LCA5: variants seen among roughly 807,000 people sequenced by gnomAD.
LCA5 encodes lebercilin.
In LCA5, 37 loss-of-function variants were observed where a neutral mutation model predicts 53.0. The ratio of observed to expected loss-of-function variants is 0.70; its 90% confidence interval spans 0.54 to 0.92. The LOEUF is 0.92. Among genes scored for constraint, LCA5 ranks in the 40% least tolerant of loss-of-function variants. The probability of loss-of-function intolerance (pLI) is 0.00; values close to 1 mark genes in which losing one functional copy is unlikely to be tolerated. For synonymous variants in LCA5, 303 were observed against 282.9 expected, an observed-to-expected ratio of 1.07 and a Z score of -0.71; for missense variants, 806 against 790.5, an observed-to-expected ratio of 1.02 and a Z score of -0.23.
intron 2 of LCA5, among the ~76,000 whole-genome samples, chr6:79,518,160 A>G (rs1167979631): frequency 6.6e-6 from 1 of 152,206 alleles, no homozygotes; most frequent in Non-Finnish European, 1.5e-5. Context: ...AATAACAAAA[A>G]TGACTTCTAA....
intron 7 of LCA5, chr6:79,488,665 G>T (rs1353298161): frequency 3.9e-6 from 1 of 254,918 alleles, no homozygotes. Context: ...CTATTTAAAG[G>T]TATGGGCATG....
At chr6:79,513,182 A>C in intron 3 of LCA5, 30 bp downstream of exon 3, 2 of 1,598,660 alleles carry the variant, frequency 1.3e-6, no homozygotes, top group Non-Finnish European at 1.7e-6. Flanking sequence ...CATCCCAAGA[A>C]AGTACAATTA....
intron 1 of LCA5, among the ~76,000 whole-genome samples, 183 bp from the exon 2 acceptor site, chr6:79,519,268 T>C (rs568400397): frequency 1.1e-4 from 16 of 152,364 alleles, no homozygotes; most frequent in Admixed American, 6.5e-4. Flanking sequence ...CAGACTGTCA[T>C]AGCCTAGATA....
chr6:79,524,690 C>T (rs1185595444), intron 1 of LCA5, among the ~76,000 whole-genome samples: 1 of 152,120 alleles, frequency 6.6e-6, no homozygotes. Context: ...AACAGATTCT[C>T]ATTCCTTTAT....
upstream of LCA5, chr6:79,537,434 C>G (rs748748699): frequency 2.0e-5 from 3 of 152,426 alleles, no homozygotes; most frequent in Non-Finnish European, 2.9e-5. Context: ...CTAGACTGCA[C>G]TACGAAGAGA....
chr6:79,509,674 T>C (rs1770360491), intron 3 of LCA5, among the ~76,000 whole-genome samples: 1 of 152,088 alleles, frequency 6.6e-6, no homozygotes, highest in African/African-American at 2.4e-5. Flanking sequence ...AAAATAACTT[T>C]TACAACAAAA....
chr6:79,498,886 G>A (rs554666034), intron 3 of LCA5, among the ~76,000 whole-genome samples: 129 of 152,126 alleles, frequency 8.5e-4, no homozygotes, highest in Non-Finnish European at 1.5e-3. Flanking sequence ...AAAACTCTAT[G>A]TCATTTTTGA....
intron 3 of LCA5, among the ~76,000 whole-genome samples, chr6:79,512,674 G>A: frequency 6.6e-6 from 1 of 152,108 alleles, no homozygotes; most frequent in South Asian, 2.1e-4. Context: ...TCATGGGATA[G>A]GACTCTTTTC....
rs575700217 is a variant in LCA5 at position 79,508,375 on chromosome 6, G to A, written c.720+4837C>T. On this transcript the variant is annotated intron_variant, in intron 3 of 7. Coordinates refer to ENST00000369846, the MANE Select transcript of LCA5 (RefSeq NM_001122769.3). ...TGTGCATTCTGTCACTTCCATCAAC[G>A]AACAAAATAAGCCTGTACCCAACTT... Among the ~76,000 whole-genome samples, 5 of 152,160 alleles carry A rather than the reference G, an allele frequency of 3.3e-5. No individual in the cohort carries two copies. The South Asian group carries it at 6.2e-4, about 19-fold the overall frequency.
intron 3 of LCA5, among the ~76,000 whole-genome samples, chr6:79,501,939 T>C (rs1040481321): frequency 2.8e-4 from 43 of 151,948 alleles, no homozygotes; most frequent in African/African-American, 1.0e-3. Context: ...TAGGAGAATA[T>C]AGTAGATATA....
intron 3 of LCA5, among the ~76,000 whole-genome samples, chr6:79,495,829 T>C (rs1449033494): frequency 6.6e-6 from 1 of 151,826 alleles, no homozygotes; most frequent in Non-Finnish European, 1.5e-5. Context: ...CTGCATTTGG[T>C]TGTGGAATGT....
At chr6:79,500,085 C>T (rs1770095125) in intron 3 of LCA5, among the ~76,000 whole-genome samples, 1 of 151,638 alleles carries the variant, frequency 6.6e-6, no homozygotes. Context: ...TTTTCTTAAT[C>T]CAGTCTACCA....
chr6:79,535,103 T>G (rs1190302900), intron 1 of LCA5, among the ~76,000 whole-genome samples: 1 of 152,188 alleles, frequency 6.6e-6, no homozygotes, highest in Non-Finnish European at 1.5e-5. Context: ...TATTTTATTG[T>G]GTGTCTACTG....
intron 3 of LCA5, among the ~76,000 whole-genome samples, chr6:79,495,857 TG>T (rs1419473443): frequency 6.6e-6 from 1 of 151,820 alleles, no homozygotes; most frequent in Non-Finnish European, 1.5e-5. Flanking sequence ...GTGGATATGG[TG>T]GGCCTACCGT....
chr6:79,488,959 T>A (rs1769755434), intron 7 of LCA5, 125 bp downstream of exon 7: 1 of 1,070,714 alleles, frequency 9.3e-7, no homozygotes, highest in Non-Finnish European at 1.4e-6. Flanking sequence ...CCTACCACTG[T>A]ATCCACCTTT....
chr6:79,525,768 TAACTAACAACTGACCTTG>T (rs1766768069), intron 1 of LCA5, among the ~76,000 whole-genome samples: 6 of 104,992 alleles, frequency 5.7e-5, no homozygotes, highest in African/African-American at 2.6e-4. Flanking sequence ...GTTAACTTTG[TAACTAACAACTGACCTTG>T]CAGGCCAGGG....
At chr6:79,530,626 A>G (rs1222944876) in intron 1 of LCA5, among the ~76,000 whole-genome samples, 6 of 152,204 alleles carry the variant, frequency 3.9e-5, no homozygotes, top group Non-Finnish European at 8.8e-5. Context: ...CGTAATACTT[A>G]TATCATCTCA....
chr6:79,533,223 T>G (rs1207164830), intron 1 of LCA5, among the ~76,000 whole-genome samples: 1 of 152,162 alleles, frequency 6.6e-6, no homozygotes, highest in Admixed American at 6.5e-5. Flanking sequence ...ATAATTATTC[T>G]TTTTCTTAAA....
chr6:79,487,555 A>G lies in LCA5; in HGVS notation c.1543T>C (p.Ser515Pro). The change falls in exon 8 of 8, where the codon TCA (serine) becomes CCA (proline). Residue 515 changes from serine (S) to proline (P), a missense_variant. By Grantham distance (74) the Ser-to-Pro change is moderately conservative. Coordinates refer to ENST00000369846, the MANE Select transcript of LCA5 (RefSeq NM_001122769.3). ...TGATGCCCATTAAATAATCTCTCTG[A>G]GGATTCAGAGAACCTGTATGTTTTG... The part of the protein sequence containing the change: ...SPKTYRFSES[S>P]ERLFNGHHLQ... The G allele has an allele frequency of 5.6e-6, 9 of 1,614,042 alleles. No homozygotes were observed. The highest frequency in any genetic ancestry group is 7.6e-6 in the Non-Finnish European group (9 of 1,179,916).
Sources: allele counts gnomAD v4.1 joint callset (sites outside exome capture counted in the v4.1 genomes callset), GRCh38; gene constraint gnomAD v4.1.1; transcripts MANE v1.5; gene names NCBI Gene and HGNC (gene_info 2026-07-23, HGNC 2026-07-21).